The following ADGRG1 variants were observed in gnomAD, a reference collection of about 807,000 sequenced individuals.
ADGRG1 encodes adhesion G protein-coupled receptor G1.
In ADGRG1, 53 loss-of-function variants were observed where a neutral mutation model predicts 73.5. The ratio of observed to expected loss-of-function variants is 0.72; its 90% CI spans 0.58 to 0.91. ADGRG1 has a LOEUF of 0.91. Ranked by LOEUF, ADGRG1 falls within the 40% of genes least tolerant of loss-of-function variation. The pLI is 0.00. For synonymous variants in ADGRG1, 394 were observed against 374.4 expected (o/e 1.05, Z -0.60); for missense variants, 795 against 871.8 (o/e 0.91, Z 1.11).
chr16:57,656,162 G>A, intron 7 of ADGRG1, 64 bp from the exon 8 acceptor site: 3 of 1,613,850 alleles, frequency 1.9e-6, no homozygotes, highest in Non-Finnish European at 2.5e-6. Flanking sequence ...TCCTCTGCCT[G>A]GCCTGTAAAG....
chr16:57,639,621 G>A (rs992866635), intron 1 of ADGRG1: 28 of 985,366 alleles, frequency 2.8e-5, no homozygotes, highest in Admixed American at 1.8e-4. Flanking sequence ...CATCTGCCAC[G>A]CACGTTCTTA....
upstream of ADGRG1, among the ~76,000 whole-genome samples, chr16:57,620,291 G>A (rs186205411): frequency 2.9e-3 from 440 of 152,320 alleles, 6 homozygotes; most frequent in Admixed American, 0.025. Flanking sequence ...GGTACTGGGC[G>A]TCTCTCAGTG....
rs1013935215 is a variant in ADGRG1, at chr16:57,655,784, A to C, written c.901-92A>C. On this transcript the variant is annotated intron_variant, in intron 6 of 13. Transcript: ENST00000562631. ...GCATCTCAAGGCAATGTGCTGGGAG[A>C]GGGTTATCTAGAGAGGGTAAGGGGC... 102 of 1,612,666 alleles carry C rather than the reference A, an allele frequency of 6.3e-5. 2 individuals are homozygous for C. Among genetic ancestry groups the C allele is most frequent in the South Asian group, 6.0e-4 (55 of 90,926 alleles).
intron 1 of ADGRG1, chr16:57,632,676 G>GTGGGC (rs2038300706): frequency 3.4e-6 from 2 of 580,592 alleles, no homozygotes; most frequent in Non-Finnish European, 4.3e-6. Context: ...GGCCAGTGTG[G>GTGGGC]TGGGCGTCGG....
chr16:57,621,884 C>A (rs761624590), intron 2 of ADGRG1: 131 of 984,502 alleles, frequency 1.3e-4, no homozygotes, highest in Non-Finnish European at 1.5e-4. Flanking sequence ...AGGCTGGGAC[C>A]CCTAGTTCAG....
chr16:57,630,294 C>T, intron 1 of ADGRG1: 4 of 885,018 alleles, frequency 4.5e-6, no homozygotes, highest in Non-Finnish European at 5.4e-6. Context: ...TCCCCAGAGC[C>T]CAGGCAGGGG....
In ADGRG1 at chr16:57,656,001, G is replaced by C; in HGVS notation, c.1017+9G>C. The C allele has an allele frequency of 6.2e-7, 1 of 1,614,012 alleles. No individual in the cohort carries two copies. ...AGCACCAGCTACAGCCGGTGAGTGG[G>C]GGCCAGCCATCAAGAGAACAAGCGC... On this transcript the variant is annotated intron_variant, in intron 7 of 13. Coordinates refer to ENST00000562631, the MANE Select transcript of ADGRG1 (RefSeq NM_201525.4).
intron 1 of ADGRG1, chr16:57,641,238 G>T: frequency 1.1e-6 from 1 of 948,090 alleles, no homozygotes. Flanking sequence ...TGCAGAGCTT[G>T]TCTGAACCTT....
In ADGRG1 at chr16:57,643,571, G is replaced by T. The variant is rs1191932977; in HGVS notation, c.-35-6682G>T. 14 of 985,042 alleles carry T rather than the reference G, an allele frequency of 1.4e-5. No individual in the cohort carries two copies. The African/African-American group carries it at 2.3e-4, about 16-fold the overall frequency. 61.0% of individuals were successfully genotyped at this position (985,042 alleles called of 1,614,324 possible). ...GAGCTGGCGGTATGGGGGGTGGGGG[G>T]TGTCCAGCAGGTCTGGTGTAAGAGT... is the stretch of plus-strand genomic sequence containing the variant. On this transcript the variant is annotated intron_variant, in intron 1 of 13. Coordinates refer to ENST00000562631, the MANE Select transcript of ADGRG1 (RefSeq NM_201525.4).
chr16:57,656,446 T>A (rs866609449), intron 8 of ADGRG1, 68 bp from the exon 9 acceptor site: 3 of 1,595,334 alleles, frequency 1.9e-6, no homozygotes, highest in African/African-American at 1.3e-5. Flanking sequence ...GTCGTGCTTT[T>A]GGGGGTGGAC....
At chr16:57,631,074 G>A in intron 1 of ADGRG1, 1 of 984,456 alleles carries the variant, frequency 1.0e-6, no homozygotes, top group Non-Finnish European at 1.2e-6. Context: ...TGGGTGTTCA[G>A]TGTGAGGTTG....
At chr16:57,647,353 G>C (rs1218909434) in intron 1 of ADGRG1, 2 of 982,972 alleles carry the variant, frequency 2.0e-6, no homozygotes, top group African/African-American at 1.8e-5. Flanking sequence ...TGGTTGCTGG[G>C]GGCCGTACGG....
At chr16:57,640,438 C>T (rs564238642) in intron 1 of ADGRG1, among the ~76,000 whole-genome samples, 1 of 152,328 alleles carries the variant, frequency 6.6e-6, no homozygotes, top group South Asian at 2.1e-4. Context: ...TGGTACTTGT[C>T]TCAAGGGTTT....
At chr16:57,646,633 T>G (rs2042717023) in intron 1 of ADGRG1, 1 of 985,142 alleles carries the variant, frequency 1.0e-6, no homozygotes, top group Admixed American at 6.1e-5. Flanking sequence ...GTGGGGATTC[T>G]AAAGCCGGGG....
At chr16:57,641,284 G>A (rs1188437828) in intron 1 of ADGRG1, 4 of 985,146 alleles carry the variant, frequency 4.1e-6, no homozygotes, top group Non-Finnish European at 4.8e-6. Context: ...CTCTAGGCAT[G>A]TACATTCCCT....
chr16:57,663,412 G>T, intron 13 of ADGRG1, 40 bp from the exon 14 acceptor site: 1 of 1,611,210 alleles, frequency 6.2e-7, no homozygotes, highest in Non-Finnish European at 8.5e-7. Context: ...ATGGGGTGGG[G>T]CTCCCCCACC....
chr16:57,654,228 G>T (rs1353119902), intron 5 of ADGRG1, 95 bp downstream of exon 5: 3 of 1,274,890 alleles, frequency 2.4e-6, no homozygotes, highest in Non-Finnish European at 3.3e-6. Context: ...CAGTGCCGTC[G>T]CAGCCTCTCC....
At chr16:57,653,069 G>A in intron 3 of ADGRG1, 134 bp from the exon 4 acceptor site, 1 of 1,562,150 alleles carries the variant, frequency 6.4e-7, no homozygotes, top group Non-Finnish European at 8.6e-7. Flanking sequence ...TCTGCTTCTT[G>A]AAGCCTCAGT....
chr16:57,655,677 C>T, intron 6 of ADGRG1, 147 bp downstream of exon 6: 3 of 1,586,920 alleles, frequency 1.9e-6, no homozygotes, highest in Non-Finnish European at 2.6e-6. Context: ...GTGCAAATCT[C>T]CCTGTGAGAG....
Sources: gnomAD v4.1 joint callset for allele counts (sites outside exome capture counted in the v4.1 genomes callset) on GRCh38, gnomAD v4.1.1 for gene constraint, MANE v1.5 for transcripts, NCBI Gene and HGNC (gene_info 2026-07-23, HGNC 2026-07-21) for gene names.